The following COMMD10 variants were observed in gnomAD, a reference collection of about 807,000 sequenced individuals.
The protein encoded by COMMD10 is COMM domain-containing protein 10.
In COMMD10, 33 loss-of-function variants were observed where a neutral mutation model predicts 28.9. That is an observed-to-expected ratio of 1.14 (90% CI 0.87 to 1.53). COMMD10 has a LOEUF of 1.53. Among genes scored for constraint, COMMD10 ranks in the 40% most tolerant of loss-of-function variants. The probability of loss-of-function intolerance (pLI) is 0.00; values close to 1 mark genes in which losing one functional copy is unlikely to be tolerated. For synonymous variants in COMMD10, 110 were observed against 81.7 expected (o/e 1.35, Z -1.87); for missense variants, 310 against 233.4 (o/e 1.33, Z -2.14).
intron 5 of COMMD10, among the ~76,000 whole-genome samples, chr5:116,153,467 G>A (rs1280972492): frequency 6.6e-6 from 1 of 152,078 alleles, no homozygotes; most frequent in Non-Finnish European, 1.5e-5. Context: ...GGTCTTGATA[G>A]CTGCAGAGCA....
intron 5 of COMMD10, among the ~76,000 whole-genome samples, chr5:116,253,513 T>A (rs1386241980): frequency 1.3e-3 from 184 of 145,954 alleles, no homozygotes; most frequent in African/African-American, 4.4e-3. Context: ...TGAAGCGTTG[T>A]TGAATTTTGT....
intron 5 of COMMD10, among the ~76,000 whole-genome samples, chr5:116,242,735 T>C (rs1486715419): frequency 2.0e-5 from 3 of 152,158 alleles, no homozygotes; most frequent in East Asian, 3.9e-4. Context: ...ATATTGAGCT[T>C]TTCAGGTAAG....
intron 5 of COMMD10, among the ~76,000 whole-genome samples, chr5:116,267,155 T>G (rs1333127815): frequency 6.6e-6 from 1 of 151,866 alleles, no homozygotes; most frequent in Non-Finnish European, 1.5e-5. Context: ...GGAAGTCAAA[T>G]GGTCCCTGTT....
intron 5 of COMMD10, among the ~76,000 whole-genome samples, chr5:116,257,052 TTACTC>T (rs1397016067): frequency 6.6e-6 from 1 of 151,784 alleles, no homozygotes; most frequent in Admixed American, 6.6e-5. Flanking sequence ...TGTTAAAAGG[TTACTC>T]TACTCTGTAT....
At chr5:116,277,004 G>T (rs2112703807) in intron 5 of COMMD10, among the ~76,000 whole-genome samples, 1 of 151,864 alleles carries the variant, frequency 6.6e-6, no homozygotes, top group Non-Finnish European at 1.5e-5. Flanking sequence ...ATTGAATTAT[G>T]CACTTTAAGT....
chr5:116,210,333 T>C (rs764788423), intron 5 of COMMD10, among the ~76,000 whole-genome samples: 13 of 151,424 alleles, frequency 8.6e-5, no homozygotes, highest in Non-Finnish European at 1.3e-4. Context: ...TATATATATA[T>C]ACATATATAT....
intron 5 of COMMD10, among the ~76,000 whole-genome samples, chr5:116,289,316 G>A (rs1011508307): frequency 3.9e-5 from 6 of 151,906 alleles, no homozygotes; most frequent in Non-Finnish European, 7.4e-5. Context: ...TTTCCCTATT[G>A]CTTTGTATGC....
At chr5:116,214,422 G>T (rs939458548) in intron 5 of COMMD10, among the ~76,000 whole-genome samples, 1 of 152,020 alleles carries the variant, frequency 6.6e-6, no homozygotes, top group Non-Finnish European at 1.5e-5. Flanking sequence ...AAGCACATTG[G>T]TTATGTTAAT....
intron 5 of COMMD10, among the ~76,000 whole-genome samples, chr5:116,264,882 T>C (rs1254776541): frequency 6.6e-6 from 1 of 151,884 alleles, no homozygotes; most frequent in Non-Finnish European, 1.5e-5. Context: ...CATGCAGTCA[T>C]ATAGCTTACC....
chr5:116,245,646 TC>T (rs1749929422), intron 5 of COMMD10, among the ~76,000 whole-genome samples: 1 of 152,056 alleles, frequency 6.6e-6, no homozygotes, highest in Non-Finnish European at 1.5e-5. Flanking sequence ...CCCACCCCCA[TC>T]AAGTAGGCTT....
chr5:116,264,715 T>C (rs1162394518), intron 5 of COMMD10, among the ~76,000 whole-genome samples: 1 of 151,872 alleles, frequency 6.6e-6, no homozygotes, highest in Non-Finnish European at 1.5e-5. Flanking sequence ...TTTTTTTTCT[T>C]TAGGAGCTTG....
At chr5:116,151,070 C>T (rs547539054) in intron 5 of COMMD10, among the ~76,000 whole-genome samples, 8 of 151,094 alleles carry the variant, frequency 5.3e-5, no homozygotes, top group African/African-American at 9.7e-5. Context: ...TGGCATGAAG[C>T]GTTGTTGAAT....
chr5:116,241,076 C>T (rs376225337), intron 5 of COMMD10, among the ~76,000 whole-genome samples: 1 of 152,134 alleles, frequency 6.6e-6, no homozygotes, highest in Admixed American at 6.5e-5. Context: ...TTGGGTAGAA[C>T]AGGAATGAAG....
chr5:116,193,000 C>G (rs1318184384), intron 5 of COMMD10, among the ~76,000 whole-genome samples: 1 of 152,186 alleles, frequency 6.6e-6, no homozygotes, highest in Non-Finnish European at 1.5e-5. Flanking sequence ...AGGGATTAGC[C>G]TTATCTTCAG....
At chr5:116,169,201 C>T (rs1291151713) in intron 5 of COMMD10, among the ~76,000 whole-genome samples, 2 of 152,088 alleles carry the variant, frequency 1.3e-5, no homozygotes, top group Non-Finnish European at 2.9e-5. Context: ...AAACTACCAT[C>T]AGAGAATACT....
intron 5 of COMMD10, among the ~76,000 whole-genome samples, chr5:116,223,697 T>A (rs1276969078): frequency 6.6e-6 from 1 of 152,142 alleles, no homozygotes; most frequent in Non-Finnish European, 1.5e-5. Context: ...AGTGTAGGAA[T>A]AGTATGTTCA....
At chr5:116,202,604 T>A (rs953602885) in intron 5 of COMMD10, among the ~76,000 whole-genome samples, 3 of 152,138 alleles carry the variant, frequency 2.0e-5, no homozygotes, top group African/African-American at 7.2e-5. Flanking sequence ...GGTATCTCAT[T>A]GTGGTTTTGA....
At chr5:116,211,332 A>G (rs1186577939) in intron 5 of COMMD10, among the ~76,000 whole-genome samples, 1 of 152,164 alleles carries the variant, frequency 6.6e-6, no homozygotes, top group Admixed American at 6.5e-5. Flanking sequence ...GCTATATCAT[A>G]TAGCCTGTTA....
At position 116,232,341 on chromosome 5, in the gene COMMD10, T is replaced by C. The variant is rs148575318; in HGVS notation, c.511-59176T>C. On this transcript the variant is annotated intron_variant, in intron 5 of 6. Coordinates refer to ENST00000274458, the MANE Select transcript of COMMD10 (RefSeq NM_016144.4). ...TGCAGATACACAGACTGAATATCAC[T>C]GTCCTAAAAAAAAAAAGGCTTTTAA... Among the ~76,000 whole-genome samples, 649 of 141,524 alleles carry C rather than the reference T, an allele frequency of 4.6e-3. 7 individuals are homozygous for C. The highest frequency in any genetic ancestry group is 0.016 in the African/African-American group (595 of 36,068). 92.8% of individuals were successfully genotyped at this position (141,524 alleles called of 152,430 possible).
Sources: gnomAD v4.1 joint callset for allele counts (sites outside exome capture counted in the v4.1 genomes callset) on GRCh38, gnomAD v4.1.1 for gene constraint, MANE v1.5 for transcripts, NCBI Gene and HGNC (gene_info 2026-07-23, HGNC 2026-07-21) for gene names.